ATG4C: variants seen among roughly 807,000 people sequenced by gnomAD.
ATG4C encodes autophagy related 4C cysteine peptidase.
ATG4C carries 56 observed loss-of-function variants against 57.6 expected under a neutral mutation model. The ratio of observed to expected loss-of-function variants is 0.97; its 90% CI spans 0.78 to 1.21. The LOEUF (loss-of-function observed/expected upper bound fraction) is 1.21. Ranked by LOEUF, ATG4C falls within the 50% of genes most tolerant of loss-of-function variation. ATG4C has a pLI of 0.00. For synonymous variants in ATG4C, 157 were observed against 174.1 expected (o/e 0.90, Z 0.78); for missense variants, 595 against 529.8 (o/e 1.12, Z -1.21).
At chr1:62,786,218 A>T (rs2100270344) in intron 1 of ATG4C, among the ~76,000 whole-genome samples, 1 of 152,308 alleles carries the variant, frequency 6.6e-6, no homozygotes, top group South Asian at 2.1e-4. Flanking sequence ...GAAATATATA[A>T]AGAGCGTTAA....
chr1:62,842,643 T>C (rs1173314666), intron 10 of ATG4C, among the ~76,000 whole-genome samples: 2 of 152,132 alleles, frequency 1.3e-5, no homozygotes, highest in African/African-American at 2.4e-5. Flanking sequence ...ATTTTTACAA[T>C]GTAAAAATGG....
At chr1:62,849,431 C>T (rs943190280) in intron 10 of ATG4C, among the ~76,000 whole-genome samples, 3 of 152,050 alleles carry the variant, frequency 2.0e-5, no homozygotes, top group Non-Finnish European at 2.9e-5. Context: ...GACTTTGCCT[C>T]TCTAAGATTT....
chr1:62,846,153 T>C (rs1246769448), intron 10 of ATG4C, among the ~76,000 whole-genome samples: 1 of 152,212 alleles, frequency 6.6e-6, no homozygotes, highest in Non-Finnish European at 1.5e-5. Context: ...TCAAGGTCAC[T>C]AATGACCCTA....
At chr1:62,807,016 A>G (rs930632089) in intron 3 of ATG4C, among the ~76,000 whole-genome samples, 6 of 152,218 alleles carry the variant, frequency 3.9e-5, no homozygotes, top group Non-Finnish European at 5.9e-5. Context: ...CTTAATTACA[A>G]TGATTATTTT....
intron 3 of ATG4C, among the ~76,000 whole-genome samples, chr1:62,806,066 G>A (rs770141420): frequency 1.6e-4 from 25 of 152,136 alleles, no homozygotes; most frequent in Non-Finnish European, 3.1e-4. Context: ...TAAATGGCTT[G>A]TAGTAATAAC....
intron 2 of ATG4C, among the ~76,000 whole-genome samples, chr1:62,804,921 TTTC>T (rs1156526596): frequency 6.6e-6 from 1 of 152,182 alleles, no homozygotes; most frequent in Non-Finnish European, 1.5e-5. Flanking sequence ...AAATTTTTTC[TTTC>T]TTATGTCCTT....
intron 4 of ATG4C, among the ~76,000 whole-genome samples, chr1:62,817,601 C>T (rs544479718): frequency 6.6e-6 from 1 of 152,264 alleles, no homozygotes; most frequent in East Asian, 1.9e-4. Context: ...CCCACCTTGT[C>T]CTGCCAAAAT....
At chr1:62,842,217 A>T (rs939512146) in intron 10 of ATG4C, among the ~76,000 whole-genome samples, 3 of 152,248 alleles carry the variant, frequency 2.0e-5, no homozygotes, top group African/African-American at 7.2e-5. Context: ...AAAGAAATAC[A>T]CATAGTTTGA....
intron 10 of ATG4C, among the ~76,000 whole-genome samples, chr1:62,861,020 T>C (rs1458850781): frequency 2.0e-5 from 3 of 152,192 alleles, no homozygotes; most frequent in Non-Finnish European, 4.4e-5. Flanking sequence ...ATAAAATATT[T>C]GATCTCCTGA....
chr1:62,785,781 G>C (rs1664062196), intron 1 of ATG4C, among the ~76,000 whole-genome samples: 2 of 151,702 alleles, frequency 1.3e-5, no homozygotes, highest in South Asian at 4.2e-4. Context: ...TGTTAAATTG[G>C]GATTATTCCT....
intron 2 of ATG4C, 49 bp from the exon 3 acceptor site, chr1:62,805,123 A>G: frequency 2.0e-6 from 3 of 1,498,184 alleles, no homozygotes; most frequent in Middle Eastern, 1.9e-4. Flanking sequence ...TTTAGTCTGA[A>G]ATCTTTTAAT....
At chr1:62,838,074 G>A (rs867594823) in intron 9 of ATG4C, among the ~76,000 whole-genome samples, 1 of 152,150 alleles carries the variant, frequency 6.6e-6, no homozygotes, top group Non-Finnish European at 1.5e-5. Context: ...GTATGGTTTT[G>A]GTATGTTTAG....
chr1:62,824,349 T>G (rs761284677), intron 6 of ATG4C, among the ~76,000 whole-genome samples: 3 of 152,124 alleles, frequency 2.0e-5, no homozygotes, highest in African/African-American at 4.8e-5. Context: ...TGGTTTCAAT[T>G]GACTATGGGA....
intron 1 of ATG4C, among the ~76,000 whole-genome samples, chr1:62,796,207 GT>G (rs60552573): frequency 0.034 from 3,135 of 91,144 alleles, 42 homozygotes; most frequent in African/African-American, 0.087. Flanking sequence ...ATTTGTGTGG[GT>G]TTTTTTTTTT....
intron 9 of ATG4C, among the ~76,000 whole-genome samples, chr1:62,836,027 C>T (rs530462449): frequency 1.3e-5 from 2 of 152,066 alleles, no homozygotes; most frequent in East Asian, 3.9e-4. Flanking sequence ...TTTAGTATTA[C>T]CTAAATAAGC....
intron 3 of ATG4C, among the ~76,000 whole-genome samples, chr1:62,809,175 G>A (rs1365667459): frequency 2.0e-5 from 3 of 152,014 alleles, no homozygotes; most frequent in African/African-American, 7.2e-5. Flanking sequence ...CTTGGCTCAA[G>A]TGGTCCTCCT....
chr1:62,788,422 T>C (rs1664157039), intron 1 of ATG4C, among the ~76,000 whole-genome samples: 1 of 142,842 alleles, frequency 7.0e-6, no homozygotes, highest in Non-Finnish European at 1.5e-5. Context: ...TGTTTCTCTC[T>C]CTATAAATAC....
At chr1:62,850,854 GTATATATATATATATATATATATATA>G (rs1161449502) in intron 10 of ATG4C, among the ~76,000 whole-genome samples, 8,625 of 84,198 alleles carry the variant, frequency 0.1, 692 homozygotes, top group Non-Finnish European at 0.12. Context: ...GTGTATGTAT[GTATATATATATATATATATATATATA>G]TATATATATA....
intron 4 of ATG4C, among the ~76,000 whole-genome samples, chr1:62,817,743 C>G (rs1453677830): frequency 6.6e-6 from 1 of 151,996 alleles, no homozygotes; most frequent in Admixed American, 6.6e-5. Context: ...TAATGTGCCA[C>G]CTTTGTGTTA....
Sources: gnomAD v4.1 joint callset for allele counts (sites outside exome capture counted in the v4.1 genomes callset) on GRCh38, gnomAD v4.1.1 for gene constraint, MANE v1.5 for transcripts, NCBI Gene and HGNC (gene_info 2026-07-23, HGNC 2026-07-21) for gene names.